ARHGAP11A: variants seen among roughly 807,000 people sequenced by gnomAD.
The protein encoded by ARHGAP11A is Rho GTPase activating protein 11A.
In ARHGAP11A, 36 loss-of-function variants were observed where a neutral mutation model predicts 60.5. The ratio of observed to expected loss-of-function variants is 0.59; its 90% CI spans 0.46 to 0.79. The LOEUF (loss-of-function observed/expected upper bound fraction) is 0.79, where lower values mean the gene tolerates loss of function less well. ARHGAP11A is among the 30% of genes least tolerant of loss of function. The probability of loss-of-function intolerance (pLI) is 0.00; values close to 1 mark genes in which losing one functional copy is unlikely to be tolerated. For missense variants in ARHGAP11A, 1,071 were observed against 1,199.2 expected (o/e 0.89, Z 1.58); for synonymous variants, 362 against 415.5 (o/e 0.87, Z 1.57).
intron 9 of ARHGAP11A, 92 bp from the exon 10 acceptor site, chr15:32,633,841 A>T (rs1367690438): frequency 1.4e-6 from 1 of 727,658 alleles, no homozygotes; most frequent in Non-Finnish European, 2.3e-6. Context: ...TATCAATATG[A>T]TTTGCTGTGG....
chr15:32,636,824 G>A lies in ARHGAP11A; in HGVS notation c.2051G>A (p.Arg684Lys), dbSNP rs778745127. Residue 684 changes from arginine to lysine, a missense_variant, in exon 12 of 12, where the codon AGA (arginine) becomes AAA (lysine). This residue lies in a region of ARHGAP11A where 776 missense variants were observed against 760.2 expected (regional missense o/e 1.02). Coordinates refer to ENST00000361627, the MANE Select transcript of ARHGAP11A (RefSeq NM_014783.6). The part of the protein sequence containing the change: ...FSPLQTQTFN[R>K]ETTIKCYSTQ... ...CCCCTTCAAACTCAAACATTTAATA[G>A]AGAAACAACTATAAAATGTTATTCA... is the stretch of plus-strand genomic sequence containing the variant. The A allele has an allele frequency of 5.0e-6, 8 of 1,607,554 alleles. No individual in the cohort carries two copies. The African/African-American group carries it at 9.4e-5, about 19-fold the overall frequency.
In ARHGAP11A at chr15:32,625,196, T is replaced by C. The variant is rs1299727810; in HGVS notation, c.668T>C (p.Leu223Ser). 6.2e-7 allele frequency: 1 copy of C among 1,613,876 alleles called. No homozygotes were observed. The highest frequency in any genetic ancestry group is 1.3e-5 in the African/African-American group (1 of 75,036). ...TCTAACACAGAAAAGAAGCTACGAT[T>C]ACAGGCTGCAGTAGTACAGACTCTT... The part of the protein sequence containing the change: ...MSSNTEKKLR[L>S]QAAVVQTLID... The change falls in exon 5 of 12, where the codon TTA becomes TCA. Residue 223 changes from leucine to serine, a missense_variant. Around this residue, in one of 4 missense-constraint regions of ARHGAP11A, gnomAD observed 196 missense variants for 272.1 expected, o/e 0.72. Coordinates refer to ENST00000361627, the MANE Select transcript of ARHGAP11A (RefSeq NM_014783.6).
chr15:32,619,233 T>C (rs555882264), intron 1 of ARHGAP11A, among the ~76,000 whole-genome samples: 22 of 152,330 alleles, frequency 1.4e-4, no homozygotes, highest in Non-Finnish European at 2.4e-4. Flanking sequence ...CAGATGCATG[T>C]AAACTAAATT....
Position 32,624,346 on chromosome 15 carries a change from G to A in ARHGAP11A, c.471G>A (p.Leu157=). The A allele has an allele frequency of 6.2e-7, 1 of 1,613,890 alleles. No individual in the cohort carries two copies. The highest frequency in any genetic ancestry group is 8.5e-7 in the Non-Finnish European group (1 of 1,179,858). ...CAGAGGAAAAGAATAAAGCTACACT[G>A]TTGCTCTCCTGTCTTCTGGCTGACC... ...LGTEEKNKAT[L]LLSCLLADHT... The change falls in exon 4 of 12, where the codon CTG becomes CTA. Residue 157 remains leucine, a synonymous_variant. Coordinates refer to ENST00000361627, the MANE Select transcript of ARHGAP11A (RefSeq NM_014783.6).
intron 11 of ARHGAP11A, 117 bp from the exon 12 acceptor site, chr15:32,636,140 G>T: frequency 7.0e-7 from 1 of 1,422,584 alleles, no homozygotes; most frequent in Non-Finnish European, 9.2e-7. Flanking sequence ...ATTATTTCTT[G>T]TAACACAAAT....
intron 1 of ARHGAP11A, among the ~76,000 whole-genome samples, chr15:32,619,615 G>A (rs983174123): frequency 2.0e-5 from 3 of 151,954 alleles, no homozygotes; most frequent in East Asian, 1.9e-4. Context: ...TTCTTCTGAT[G>A]TAATTTTAGG....
At position 32,636,704 on chromosome 15, in the gene ARHGAP11A, T is replaced by C. The variant is rs1243717011; in HGVS notation, c.1931T>C (p.Phe644Ser). Residue 644 changes from phenylalanine (F) to serine (S), a missense_variant, in exon 12 of 12, where the codon TTT (phenylalanine) becomes TCT (serine). Phe to Ser is a radical substitution (Grantham distance 155). This residue lies in a region of ARHGAP11A where 776 missense variants were observed against 760.2 expected (regional missense o/e 1.02). Transcript: ENST00000361627. The part of the protein sequence containing the change: ...YLEDSPEENL[F>S]ETNDLTIVES... The stretch of plus-strand genomic sequence containing the variant: ...GAAGATAGCCCAGAGGAAAATCTAT[T>C]TGAAACTAATGATTTGACTATAGTA... The C allele has an allele frequency of 1.9e-6, 3 of 1,613,780 alleles. No homozygotes were observed. In the African/African-American group the frequency reaches 4.0e-5, roughly 22 times the overall value.
chr15:32,636,415 A>C lies in ARHGAP11A; in HGVS notation c.1642A>C (p.Asn548His). 6.2e-7 allele frequency: 1 copy of C among 1,614,058 alleles called. No individual in the cohort carries two copies. The change falls in exon 12 of 12, where the codon AAC (asparagine) becomes CAC (histidine). Residue 548 changes from asparagine (N) to histidine (H), a missense_variant. Asn to His is a moderately conservative substitution (Grantham distance 68, BLOSUM62 1). Around this residue, in one of 4 missense-constraint regions of ARHGAP11A, gnomAD observed 776 missense variants for 760.2 expected, o/e 1.02. Coordinates refer to ENST00000361627, the MANE Select transcript of ARHGAP11A (RefSeq NM_014783.6). ...AATGGTGGAAAATCTTGAGGTAGAA[A>C]ACTCTTTGGAGCCTGATATTATGGT... Reference protein sequence around the residue: ...SSMVENLEVENSLEPDIMVEK... With the variant: ...SSMVENLEVEHSLEPDIMVEK...
intron 10 of ARHGAP11A, among the ~76,000 whole-genome samples, chr15:32,635,314 C>G (rs1342899498): frequency 6.6e-6 from 1 of 152,182 alleles, no homozygotes; most frequent in Non-Finnish European, 1.5e-5. Flanking sequence ...CATTCTTCAC[C>G]ACTCCATATC....
chr15:32,621,260 G>A (rs1182698462), intron 2 of ARHGAP11A, among the ~76,000 whole-genome samples: 1 of 142,856 alleles, frequency 7.0e-6, no homozygotes, highest in African/African-American at 2.6e-5. Flanking sequence ...GCGTGAGCTC[G>A]GCTCACCGCA....
At position 32,629,704 on chromosome 15, in the gene ARHGAP11A, T is replaced by C. The variant is rs749813663; in HGVS notation, c.1047T>C (p.Asn349=). The change falls in exon 8 of 12, where the codon AAT becomes AAC. Residue 349 remains asparagine, a synonymous_variant. Transcript: ENST00000361627. Reference sequence around the variant, plus strand: ...AGAAAAGGAAGTCCATCAAGCACAATTTTAACTTTGAGCTGTTGCCAAGTA... The same window carrying C: ...AGAAAAGGAAGTCCATCAAGCACAACTTTAACTTTGAGCTGTTGCCAAGTA... The part of the protein sequence containing the change: ...SSKKRKSIKH[N]FNFELLPSNL... 6.2e-6 allele frequency: 10 copies of C among 1,613,234 alleles called. No homozygotes were observed. In the East Asian group the frequency reaches 1.8e-4, roughly 29 times the overall value.
intron 8 of ARHGAP11A, among the ~76,000 whole-genome samples, chr15:32,630,802 T>A (rs959522929): frequency 6.6e-6 from 1 of 152,190 alleles, no homozygotes; most frequent in Non-Finnish European, 1.5e-5. Context: ...CTGAAGCTTA[T>A]GTCTGTAGCT....
chr15:32,624,934 T>C, intron 4 of ARHGAP11A, 146 bp from the exon 5 acceptor site: 1 of 701,494 alleles, frequency 1.4e-6, no homozygotes, highest in Non-Finnish European at 2.4e-6. Flanking sequence ...CTTTCTTGTG[T>C]TCAAGCCAAT....
intron 8 of ARHGAP11A, among the ~76,000 whole-genome samples, chr15:32,631,763 C>A (rs1011852179): frequency 1.3e-5 from 2 of 152,098 alleles, no homozygotes; most frequent in African/African-American, 4.8e-5. Flanking sequence ...ACAACATCCA[C>A]CTCCGATGTT....
At chr15:32,633,368 C>T (rs557036502) in intron 9 of ARHGAP11A, among the ~76,000 whole-genome samples, 219 of 152,196 alleles carry the variant, frequency 1.4e-3, no homozygotes, top group African/African-American at 1.9e-3. Context: ...AGGCTGGGCA[C>T]GGTGGCTTAT....
Position 32,637,900 on chromosome 15 carries a change from T to C in ARHGAP11A, c.*55T>C, listed in dbSNP as rs1194374410. 5.0e-6 allele frequency: 7 copies of C among 1,399,526 alleles called. No homozygotes were observed. Among genetic ancestry groups the C allele is most frequent in the Non-Finnish European group, 6.8e-6 (7 of 1,035,888 alleles). 86.7% of individuals were successfully genotyped at this position (1,399,526 alleles called of 1,614,324 possible). A position where few individuals can be genotyped will look rare whatever the true frequency, so the allele number is the denominator to read the frequency against. ...AAATAAAGTGAGTAATTGGTATGAC[T>C]TGCAGGATGATGTACATGTTAGTTT... On this transcript the variant is annotated 3_prime_UTR_variant, in exon 12 of 12. Transcript: ENST00000361627.
rs1187278063 is a variant in ARHGAP11A at position 32,632,959 on chromosome 15, A to G, written c.1106-20A>G. The G allele has an allele frequency of 6.2e-7, 1 of 1,605,506 alleles. No individual in the cohort carries two copies. Among genetic ancestry groups the G allele is most frequent in the Admixed American group, 1.7e-5 (1 of 58,666 alleles). On this transcript the variant is annotated intron_variant, in intron 8 of 11. Coordinates refer to ENST00000361627, the MANE Select transcript of ARHGAP11A (RefSeq NM_014783.6). The stretch of plus-strand genomic sequence containing the variant: ...GGAAAATAGATATGTGTGGTATATT[A>G]CATGTGGTTATTTTTGTAGTTCACA...
chr15:32,632,943 A>G (rs1360330505), intron 8 of ARHGAP11A, 36 bp from the exon 9 acceptor site: 1 of 1,557,230 alleles, frequency 6.4e-7, no homozygotes, highest in African/African-American at 1.4e-5. Context: ...AGGAAAATAG[A>G]TATGTGTGGT....
In ARHGAP11A at chr15:32,628,794, A is replaced by T; in HGVS notation, c.929A>T (p.Glu310Val). 1 of 1,550,506 alleles carries T rather than the reference A, an allele frequency of 6.4e-7. No homozygotes were observed. The highest frequency in any genetic ancestry group is 8.6e-7 in the Non-Finnish European group (1 of 1,157,650). Residue 310 changes from glutamate (E) to valine (V), a missense_variant, in exon 7 of 12, where the codon GAA (glutamate) becomes GTA (valine). Around this residue, in one of 4 missense-constraint regions of ARHGAP11A, gnomAD observed 196 missense variants for 272.1 expected, o/e 0.72. Transcript: ENST00000361627. Reference protein sequence around the residue: ...NRTPSITPQEERIAQLSESPV... With the variant: ...NRTPSITPQEVRIAQLSESPV... The stretch of plus-strand genomic sequence containing the variant: ...ACACCTTCTATTACACCTCAAGAAG[A>T]AAGAATTGGTAGGTATTTATTATAT...
Sources: allele counts gnomAD v4.1 joint callset (sites outside exome capture counted in the v4.1 genomes callset), GRCh38; gene constraint gnomAD v4.1.1; regional missense constraint gnomAD v4.1.1; transcripts MANE v1.5; gene names NCBI Gene and HGNC (gene_info 2026-07-23, HGNC 2026-07-21).